Variants in A2M observed in about 807,000 individuals in gnomAD.
A2M encodes C3 and PZP-like alpha-2-macroglobulin domain-containing protein 5.
In A2M, 128 loss-of-function variants were observed where a neutral mutation model predicts 183.9. That is an observed-to-expected ratio of 0.70 (90% CI 0.60 to 0.81). The LOEUF is 0.81. Among genes scored for constraint, A2M ranks in the 30% least tolerant of loss-of-function variants. The pLI, the probability that A2M is intolerant of heterozygous loss-of-function variation, is 0.00. For synonymous variants in A2M, 592 were observed against 670.8 expected, an observed-to-expected ratio of 0.88 and a Z score of 1.81; for missense variants, 1,495 against 1,787.6, an observed-to-expected ratio of 0.84 and a Z score of 2.95.
intron 22 of A2M, among the ~76,000 whole-genome samples, chr12:9,088,133 T>A (rs774268473): frequency 1.3e-5 from 2 of 152,138 alleles, no homozygotes; most frequent in Non-Finnish European, 2.9e-5. Context: ...ATACAGTTTA[T>A]TATATGTAAA....
intron 10 of A2M, 142 bp from the exon 11 acceptor site, chr12:9,104,542 GT>G: frequency 2.6e-6 from 2 of 782,724 alleles, no homozygotes; most frequent in South Asian, 4.0e-5. Context: ...AAAAAACGAA[GT>G]TTCTTCCATC....
intron 1 of A2M, chr12:9,115,375 A>T (rs1207267733): frequency 5.8e-6 from 1 of 173,574 alleles, no homozygotes; most frequent in African/African-American, 2.4e-5. Context: ...ACTCCAGGGC[A>T]TTGTTCCATG....
intron 32 of A2M, among the ~76,000 whole-genome samples, chr12:9,070,211 A>G (rs1049980615): frequency 1.3e-5 from 2 of 152,128 alleles, no homozygotes; most frequent in African/African-American, 4.8e-5. Context: ...GTTCGTGTTC[A>G]TATCTTTTAT....
At position 9,093,593 on chromosome 12, in the gene A2M, G is replaced by C; in HGVS notation, c.2126-14C>G. 1 of 1,461,910 alleles carries C rather than the reference G, an allele frequency of 6.8e-7. No homozygotes were observed. The highest frequency in any genetic ancestry group is 9.4e-7 in the Non-Finnish European group (1 of 1,069,366). 90.6% of individuals were successfully genotyped at this position (1,461,910 alleles called of 1,614,324 possible). A position where few individuals can be genotyped will look rare whatever the true frequency, so the allele number is the denominator to read the frequency against. The stretch of plus-strand genomic sequence containing the variant: ...TTACATCTGACTCTATGGTGAGTGA[G>C]GAAGAAGACATTACAATAAACATAC... On this transcript the variant is annotated splice_polypyrimidine_tract_variant and intron_variant, in intron 17 of 35. Coordinates refer to ENST00000318602, the MANE Select transcript of A2M (RefSeq NM_000014.6).
intron 12 of A2M, 80 bp from the exon 13 acceptor site, chr12:9,101,287 T>G: frequency 6.9e-7 from 1 of 1,454,292 alleles, no homozygotes; most frequent in Middle Eastern, 1.7e-4. Flanking sequence ...CTTGTTTTAT[T>G]GAGTCCCTGC....
At position 9,115,834 on chromosome 12, in the gene A2M, G is replaced by A. The variant is rs372876866; in HGVS notation, c.16C>T (p.Leu6Phe). 1 of 1,613,314 alleles carries A rather than the reference G, an allele frequency of 6.2e-7. No individual in the cohort carries two copies. Among genetic ancestry groups the A allele is most frequent in the Non-Finnish European group, 8.5e-7 (1 of 1,179,342 alleles). The change falls in exon 1 of 36, where the codon CTC becomes TTC. Residue 6 changes from leucine to phenylalanine, a missense_variant. Physicochemically the swap from Leu to Phe is conservative, Grantham distance 22 (BLOSUM62 0). Transcript: ENST00000318602. ...AGAAGAACCAGACTTGGATGAAGGA[G>A]TTTGTTCTTCCCCATGTTGCAGAAA... The part of the protein sequence containing the change: MGKNK[L>F]LHPSLVLLLL...
chr12:9,097,862 A>G (rs1949432023), intron 15 of A2M, among the ~76,000 whole-genome samples: 3 of 152,024 alleles, frequency 2.0e-5, no homozygotes. Context: ...CAAACTCCTG[A>G]TCTCAAGTTA....
At chr12:9,075,585 T>C in intron 28 of A2M, among the ~76,000 whole-genome samples, 1 of 145,200 alleles carries the variant, frequency 6.9e-6, no homozygotes. Context: ...AGTGTTGAAC[T>C]TAGAAAATAA....
At chr12:9,084,449 G>T (rs1334412892) in intron 22 of A2M, among the ~76,000 whole-genome samples, 1 of 152,126 alleles carries the variant, frequency 6.6e-6, no homozygotes, top group Non-Finnish European at 1.5e-5. Context: ...AAATGTGTGT[G>T]GGGGAGTGAA....
chr12:9,096,024 G>A (rs897338065), intron 15 of A2M, among the ~76,000 whole-genome samples: 1 of 152,058 alleles, frequency 6.6e-6, no homozygotes, highest in Non-Finnish European at 1.5e-5. Context: ...CTCCCAAAGT[G>A]CTGGGATTAC....
chr12:9,076,699 C>T, intron 28 of A2M, 57 bp downstream of exon 28: 1 of 1,579,708 alleles, frequency 6.3e-7, no homozygotes, highest in Non-Finnish European at 8.7e-7. Flanking sequence ...GGATTTTTGC[C>T]ATGCAGTTCT....
At chr12:9,094,837 A>C in intron 17 of A2M, 136 bp downstream of exon 17, 1 of 424,732 alleles carries the variant, frequency 2.4e-6, no homozygotes, top group Non-Finnish European at 4.1e-6. Flanking sequence ...TTACTATATG[A>C]CCTTGAGCAA....
chr12:9,104,448 G>A (rs1245360150), intron 10 of A2M, 48 bp from the exon 11 acceptor site: 2 of 1,515,476 alleles, frequency 1.3e-6, no homozygotes, highest in Admixed American at 2.1e-5. Flanking sequence ...TAACTAATAG[G>A]CACCAAACAT....
chr12:9,109,289 C>A, intron 7 of A2M, 32 bp downstream of exon 7: 1 of 1,531,132 alleles, frequency 6.5e-7, no homozygotes. Context: ...TTAAATAATC[C>A]CCCACAAAAG....
intron 7 of A2M, among the ~76,000 whole-genome samples, chr12:9,107,925 C>A (rs771223530): frequency 6.6e-6 from 1 of 151,412 alleles, no homozygotes; most frequent in East Asian, 1.9e-4. Flanking sequence ...AAAACTTAAA[C>A]CCGTTCTTAA....
At chr12:9,106,391 C>G in intron 9 of A2M, 46 bp from the exon 10 acceptor site, 1 of 1,477,792 alleles carries the variant, frequency 6.8e-7, no homozygotes, top group South Asian at 1.2e-5. Flanking sequence ...AGAATGATGT[C>G]TCTAAAATTC....
At chr12:9,081,646 C>T (rs1459816830) in intron 22 of A2M, among the ~76,000 whole-genome samples, 1 of 152,154 alleles carries the variant, frequency 6.6e-6, no homozygotes, top group Non-Finnish European at 1.5e-5. Flanking sequence ...GTCATTGTTC[C>T]CACTCCTTTA....
chr12:9,091,032 T>C (rs1421016323), intron 19 of A2M, among the ~76,000 whole-genome samples, 169 bp downstream of exon 19: 1 of 152,184 alleles, frequency 6.6e-6, no homozygotes, highest in Admixed American at 6.5e-5. Flanking sequence ...GCTAGAAACT[T>C]GCTTTATGGT....
intron 25 of A2M, 29 bp from the exon 26 acceptor site, chr12:9,077,886 T>C: frequency 1.2e-6 from 2 of 1,613,864 alleles, no homozygotes; most frequent in Admixed American, 1.7e-5. Context: ...ATCATGATGT[T>C]TATGTTGTCA....
Sources: gnomAD v4.1 joint callset for allele counts (sites outside exome capture counted in the v4.1 genomes callset) on GRCh38, gnomAD v4.1.1 for gene constraint, MANE v1.5 for transcripts, NCBI Gene and HGNC (gene_info 2026-07-23, HGNC 2026-07-21) for gene names.